FYB2: variants seen among roughly 807,000 people sequenced by gnomAD.
FYB2 encodes FYN binding protein 2.
A neutral mutation model predicts 94.1 loss-of-function variants in FYB2; 103 were observed. The observed-to-expected ratio is 1.09, with a 90% confidence interval of 0.93 to 1.29. The LOEUF is 1.29. Ranked by LOEUF, FYB2 falls within the 50% of genes most tolerant of loss-of-function variation. The pLI is 0.00. For synonymous variants in FYB2, 293 were observed against 287.9 expected (o/e 1.02, Z -0.18); for missense variants, 896 against 841.5 (o/e 1.06, Z -0.80).
chr1:56,757,687 C>CTTCCTTCTTTTTCTCTTTCTTTCT (rs1293394860), intron 6 of FYB2, among the ~76,000 whole-genome samples: 1 of 71,940 alleles, frequency 1.4e-5, no homozygotes, highest in Non-Finnish European at 2.6e-5. Flanking sequence ...TCCTTCCTTC[C>CTTCCTTCTTTTTCTCTTTCTTTCT]TTCTTTCTTT....
At chr1:56,729,934 A>G (rs1194226857) in intron 15 of FYB2, among the ~76,000 whole-genome samples, 2 of 152,096 alleles carry the variant, frequency 1.3e-5, no homozygotes, top group African/African-American at 2.4e-5. Flanking sequence ...TGAACAACCA[A>G]TGGGTGAAGG....
chr1:56,825,465 T>C, the FYB2 span, among the ~76,000 whole-genome samples: 1 of 152,150 alleles, frequency 6.6e-6, no homozygotes, highest in Non-Finnish European at 1.5e-5. Flanking sequence ...TGTCTCTTCA[T>C]CCATTCAGGA....
rs1644861739 is a variant in FYB2 at position 56,737,767 on chromosome 1, A to G, written c.1733-620T>C. The G allele has an allele frequency of 1.3e-5, 2 of 152,116 alleles. 1 individual carries two copies. Among genetic ancestry groups the G allele is most frequent in the Admixed American group, 1.3e-4 (2 of 15,260 alleles). The allele number at this position is 152,116 out of a possible 1,614,324, so 9.4% of individuals were successfully genotyped here. A position where few individuals can be genotyped will look rare whatever the true frequency, so the allele number is the denominator to read the frequency against. On this transcript the variant is annotated intron_variant, in intron 14 of 19. Coordinates refer to ENST00000343433, the MANE Select transcript of FYB2 (RefSeq NM_001004303.5). ...CTGAACAAGTTTGAGACCTTCTAGT[A>G]TAATTATTCATAATTATTCACTCCC...
At chr1:56,822,634 TCTG>T, upstream of FYB2, among the ~76,000 whole-genome samples, 1 of 152,218 alleles carries the variant, frequency 6.6e-6, no homozygotes, top group Middle Eastern at 3.4e-3. Flanking sequence ...AATCTCAGAT[TCTG>T]CTTGGAGCTC....
chr1:56,804,702 C>T lies in FYB2; in HGVS notation c.10-11899G>A, dbSNP rs922148712. On this transcript the variant is annotated intron_variant, in intron 1 of 19. Coordinates refer to ENST00000343433, the MANE Select transcript of FYB2 (RefSeq NM_001004303.5). ...CCGAGATGGCACCACTACACTTCAA[C>T]CTGAGTGACAGAGTGAGACTCCATC... Among the ~76,000 whole-genome samples, 4 of 152,084 alleles carry T rather than the reference C, an allele frequency of 2.6e-5. No homozygotes were observed. In the South Asian group the frequency reaches 8.3e-4, roughly 32 times the overall value.
intron 6 of FYB2, among the ~76,000 whole-genome samples, chr1:56,756,554 A>G (rs538543916): frequency 8.6e-4 from 131 of 152,212 alleles, no homozygotes; most frequent in Non-Finnish European, 1.4e-3. Context: ...ATAGCTCATT[A>G]TACTCTCCTT....
At chr1:56,757,691 T>C (rs1774810) in intron 6 of FYB2, among the ~76,000 whole-genome samples, 35,003 of 67,934 alleles carry the variant, frequency 0.52, 6,989 homozygotes, top group African/African-American at 0.61. Flanking sequence ...TCCTTCCTTC[T>C]TTCTTTCTTT....
At chr1:56,772,820 A>G (rs1218121162) in intron 4 of FYB2, among the ~76,000 whole-genome samples, 3 of 152,196 alleles carry the variant, frequency 2.0e-5, no homozygotes, top group African/African-American at 7.2e-5. Flanking sequence ...CCCTCTGCAC[A>G]TAGGCATTCC....
At chr1:56,822,026 T>C (rs1422158591), upstream of FYB2, among the ~76,000 whole-genome samples, 1 of 152,188 alleles carries the variant, frequency 6.6e-6, no homozygotes, top group Non-Finnish European at 1.5e-5. Context: ...CCTGCTAGCT[T>C]TAGGCCAGGG....
intron 4 of FYB2, among the ~76,000 whole-genome samples, chr1:56,784,645 T>A (rs1421763234): frequency 2.6e-5 from 4 of 152,210 alleles, no homozygotes; most frequent in Non-Finnish European, 4.4e-5. Flanking sequence ...TTTGTCTGTG[T>A]ATTTCCTTCT....
At position 56,719,194 on chromosome 1, in the gene FYB2, T is replaced by G. The variant is rs1644440447; in HGVS notation, c.*477A>C. ...TTTAAAGACTGAGCCATAATTAAGA[T>G]TATACCTTAAACTTGAGTATTTAAA... On this transcript the variant is annotated 3_prime_UTR_variant, in exon 20 of 20. Transcript: ENST00000343433. 1 of 153,076 alleles carries G rather than the reference T, an allele frequency of 6.5e-6. No individual in the cohort carries two copies. The highest frequency in any genetic ancestry group is 2.4e-5 in the African/African-American group (1 of 41,482). 9.5% of individuals were successfully genotyped at this position (153,076 alleles called of 1,614,324 possible).
chr1:56,786,615 C>G (rs1273156920), intron 4 of FYB2, among the ~76,000 whole-genome samples: 1 of 152,028 alleles, frequency 6.6e-6, no homozygotes, highest in Non-Finnish European at 1.5e-5. Flanking sequence ...CTTTCTGAGC[C>G]CAAGTATCTT....
intron 13 of FYB2, among the ~76,000 whole-genome samples, chr1:56,739,371 C>G (rs1203321699): frequency 3.9e-5 from 6 of 152,012 alleles, no homozygotes; most frequent in Non-Finnish European, 8.8e-5. Flanking sequence ...CCCTCTTCTT[C>G]CATATCAGGA....
intron 6 of FYB2, among the ~76,000 whole-genome samples, chr1:56,756,359 G>A (rs7548888): frequency 0.2 from 30,621 of 152,012 alleles, 3,422 homozygotes; most frequent in African/African-American, 0.3. Context: ...TGTGATCACC[G>A]CTCAAATCTT....
intron 15 of FYB2, among the ~76,000 whole-genome samples, chr1:56,733,229 T>C (rs1294161360): frequency 6.6e-6 from 1 of 152,126 alleles, no homozygotes; most frequent in Admixed American, 6.6e-5. Flanking sequence ...TAGAGGTGTT[T>C]ATAGTATTCT....
chr1:56,808,165 G>A (rs969594090), intron 1 of FYB2, among the ~76,000 whole-genome samples: 11 of 152,080 alleles, frequency 7.2e-5, no homozygotes, highest in Non-Finnish European at 1.6e-4. Flanking sequence ...TACAGCATTA[G>A]AGAAGTGATG....
chr1:56,807,738 T>G (rs891114151), intron 1 of FYB2, among the ~76,000 whole-genome samples: 1 of 152,210 alleles, frequency 6.6e-6, no homozygotes, highest in Non-Finnish European at 1.5e-5. Context: ...ATAAAGAAAC[T>G]GAGGCTTGGA....
At chr1:56,788,922 A>T (rs1254343157) in intron 3 of FYB2, 51 bp downstream of exon 3, 2 of 1,602,290 alleles carry the variant, frequency 1.2e-6, no homozygotes, top group Non-Finnish European at 1.7e-6. Context: ...GGATGTGGAG[A>T]CGGAGGTGAC....
intron 19 of FYB2, 31 bp from the exon 20 acceptor site, chr1:56,719,723 T>A (rs1254764702): frequency 3.9e-5 from 61 of 1,549,356 alleles, no homozygotes; most frequent in Non-Finnish European, 5.1e-5. Flanking sequence ...GCAAACATTT[T>A]AAAATATAGG....
Sources: allele counts gnomAD v4.1 joint callset (sites outside exome capture counted in the v4.1 genomes callset), GRCh38; gene constraint gnomAD v4.1.1; transcripts MANE v1.5; gene names NCBI Gene and HGNC (gene_info 2026-07-23, HGNC 2026-07-21).